DUS4L: variants seen among roughly 807,000 people sequenced by gnomAD.
DUS4L encodes the protein tRNA-dihydrouridine(20a/20b) synthase [NAD(P)+]-like.
Under a neutral mutation model 33.8 loss-of-function variants are expected in DUS4L, and 31 were observed. The observed-to-expected ratio is 0.92, with a 90% CI of 0.69 to 1.24. The LOEUF is 1.24. Ranked by LOEUF, DUS4L falls within the 50% of genes most tolerant of loss-of-function variation. DUS4L has a pLI of 0.00. For missense variants in DUS4L, 368 were observed against 388.6 expected, an observed-to-expected ratio of 0.95 and a Z score of 0.45; for synonymous variants, 103 against 120.3, an observed-to-expected ratio of 0.86 and a Z score of 0.94.
chr7:107,577,042 G>C (rs1052886708), intron 7 of DUS4L: 1 of 398,212 alleles, frequency 2.5e-6, no homozygotes, highest in Non-Finnish European at 4.4e-6. Flanking sequence ...TGACAATCCA[G>C]ATTTACCCTA....
At chr7:107,570,890 C>T (rs1805159456) in intron 3 of DUS4L, 2 of 360,554 alleles carry the variant, frequency 5.5e-6, no homozygotes, top group South Asian at 3.0e-5. Flanking sequence ...CCAGAGAACT[C>T]ACCACCCTGT....
At position 107,564,126 on chromosome 7, in the gene DUS4L, G is replaced by T; in HGVS notation, c.-194G>T. On this transcript the variant is annotated 5_prime_UTR_variant, in exon 1 of 8. Transcript: ENST00000265720. ...CCAGCGCACCGAGGGAGCCAAGGCC[G>T]TCGGGCCGGCGCTTTCAGCTGTCTC... is the stretch of plus-strand genomic sequence containing the variant. 1.0e-6 allele frequency: 1 copy of T among 960,830 alleles called. No individual in the cohort carries two copies. The highest frequency in any genetic ancestry group is 1.5e-6 in the Non-Finnish European group (1 of 648,408). The allele number at this position is 960,830 out of a possible 1,614,324, so 59.5% of individuals were successfully genotyped here. A position where few individuals can be genotyped will look rare whatever the true frequency, so the allele number is the denominator to read the frequency against.
chr7:107,577,258 C>G, intron 7 of DUS4L, 55 bp from the exon 8 acceptor site: 1 of 1,594,690 alleles, frequency 6.3e-7, no homozygotes, highest in Non-Finnish European at 8.6e-7. Flanking sequence ...TGAGCTTGAA[C>G]TAATAACCAG....
In DUS4L at chr7:107,576,418, A is replaced by G. The variant is rs6956789; in HGVS notation, c.532A>G (p.Thr178Ala). The change falls in exon 7 of 8, where the codon ACA (threonine) becomes GCA (alanine). Residue 178 changes from threonine (T) to alanine (A), a missense_variant. Transcript: ENST00000265720. ...TVDLCQKAEA[T>A]GVSWITVHGR... ...AGATCTTTGTCAAAAGGCTGAAGCA[A>G]CAGGAGTTTCATGGATTACAGTCCA... The G allele has an allele frequency of 1.8e-4, 289 of 1,611,906 alleles. 2 individuals carry two copies. The African/African-American group carries it at 3.6e-3, about 20-fold the overall frequency.
intron 4 of DUS4L, among the ~76,000 whole-genome samples, chr7:107,572,295 A>G (rs1805319815): frequency 6.6e-6 from 1 of 152,172 alleles, no homozygotes; most frequent in Non-Finnish European, 1.5e-5. Flanking sequence ...AGCACCTTAC[A>G]TCTCCATAAA....
chr7:107,573,894 T>A, intron 5 of DUS4L, 73 bp downstream of exon 5: 1 of 1,399,130 alleles, frequency 7.1e-7, no homozygotes, highest in South Asian at 1.9e-5. Flanking sequence ...GTAAAATATC[T>A]TTCTAGTTTT....
rs557324145 is a variant in DUS4L at position 107,578,301 on chromosome 7, C to T, written c.*741C>T. Reference sequence around the variant, plus strand: ...CCTAATTACTTTTGTGCCTCTCAGCCGTTGATTGTAACTTTAAAGTCCCAT... The same window carrying T: ...CCTAATTACTTTTGTGCCTCTCAGCTGTTGATTGTAACTTTAAAGTCCCAT... On this transcript the variant is annotated 3_prime_UTR_variant, in exon 8 of 8. Transcript: ENST00000265720. 4.6e-5 allele frequency: 7 copies of T among 151,776 alleles called. No homozygotes were observed. The South Asian group carries it at 6.3e-4, about 14-fold the overall frequency. 9.4% of individuals were successfully genotyped at this position (151,776 alleles called of 1,614,324 possible). A position where few individuals can be genotyped will look rare whatever the true frequency, so the allele number is the denominator to read the frequency against.
chr7:107,572,077 T>C (rs1003604153), intron 4 of DUS4L, among the ~76,000 whole-genome samples: 1 of 152,090 alleles, frequency 6.6e-6, no homozygotes, highest in Admixed American at 6.5e-5. Flanking sequence ...CAGGCTCTTA[T>C]GTTGCACTTA....
intron 1 of DUS4L, 105 bp downstream of exon 1, chr7:107,564,314 G>A (rs969374957): frequency 4.8e-6 from 2 of 414,922 alleles, no homozygotes; most frequent in African/African-American, 4.2e-5. Flanking sequence ...GAGGTTTCAG[G>A]GAGCTTCGTT....
intron 5 of DUS4L, 179 bp downstream of exon 5, chr7:107,574,000 G>A: frequency 1.1e-6 from 1 of 943,864 alleles, no homozygotes; most frequent in South Asian, 3.5e-5. Flanking sequence ...TAAATTCAAA[G>A]GTCTTTTCTG....
intron 4 of DUS4L, 149 bp from the exon 5 acceptor site, chr7:107,573,555 A>T (rs1805454787): frequency 1.5e-6 from 1 of 665,080 alleles, no homozygotes; most frequent in Non-Finnish European, 2.3e-6. Flanking sequence ...AATATTTTAA[A>T]TTGTTTAATG....
Position 107,577,755 on chromosome 7 carries a change from A to G in DUS4L, c.*195A>G, listed in dbSNP as rs1482677434. 2 of 518,548 alleles carry G rather than the reference A, an allele frequency of 3.9e-6. No individual in the cohort carries two copies. The highest frequency in any genetic ancestry group is 6.7e-6 in the Non-Finnish European group (2 of 300,684). 32.1% of individuals were successfully genotyped at this position (518,548 alleles called of 1,614,324 possible). A position where few individuals can be genotyped will look rare whatever the true frequency, so the allele number is the denominator to read the frequency against. Reference sequence around the variant, plus strand: ...GTAGATCTGGAGTAGACCCAGAAATACACAGTTTAAAGAAAACTCCCAGTG... The same window carrying G: ...GTAGATCTGGAGTAGACCCAGAAATGCACAGTTTAAAGAAAACTCCCAGTG... On this transcript the variant is annotated 3_prime_UTR_variant, in exon 8 of 8. Coordinates refer to ENST00000265720, the MANE Select transcript of DUS4L (RefSeq NM_181581.3).
At chr7:107,564,351 C>T (rs1249035467) in intron 1 of DUS4L, 142 bp downstream of exon 1, 3 of 333,830 alleles carry the variant, frequency 9.0e-6, no homozygotes, top group African/African-American at 4.4e-5. Flanking sequence ...AAGAGTCACG[C>T]GTTAGTTGCT....
chr7:107,571,700 G>A (rs760635791), intron 4 of DUS4L, among the ~76,000 whole-genome samples: 1 of 152,184 alleles, frequency 6.6e-6, no homozygotes, highest in Non-Finnish European at 1.5e-5. Flanking sequence ...CCACATATGT[G>A]GTCCAGCAAT....
Position 107,573,703 on chromosome 7 carries a change from G to A in DUS4L, c.239-1G>A. On this transcript the variant is annotated splice_acceptor_variant, in intron 4 of 7. Coordinates refer to ENST00000265720, the MANE Select transcript of DUS4L (RefSeq NM_181581.3). LOFTEE classifies it high-confidence loss of function. ...TAATGTTGAGCTATTCATTTTGTCA[G>A]GTGATTGCCCATTGATTGTTCAGTT... 1 of 1,605,648 alleles carries A rather than the reference G, an allele frequency of 6.2e-7. No individual in the cohort carries two copies. The highest frequency in any genetic ancestry group is 8.5e-7 in the Non-Finnish European group (1 of 1,176,926).
intron 3 of DUS4L, 62 bp downstream of exon 3, chr7:107,567,248 T>C: frequency 6.8e-7 from 1 of 1,463,742 alleles, no homozygotes; most frequent in South Asian, 1.2e-5. Context: ...TCTGACTTTT[T>C]AAAAGTACTG....
At chr7:107,571,007 C>A in intron 3 of DUS4L, 138 bp from the exon 4 acceptor site, 6 of 1,130,654 alleles carry the variant, frequency 5.3e-6, no homozygotes, top group Non-Finnish European at 7.4e-6. Context: ...TTTAGTAATA[C>A]TTAACAGGAA....
Position 107,571,260 on chromosome 7 carries a change from A to C in DUS4L, c.232A>C (p.Asn78His). The change falls in exon 4 of 8, where the codon AAT becomes CAT. Residue 78 changes from asparagine (N) to histidine (H), a missense_variant. Transcript: ENST00000265720. Reference protein sequence around the residue: ...IKARDSEFTTNQGDCPLIVQF... With the variant: ...IKARDSEFTTHQGDCPLIVQF... ...AGCCAGAGACAGCGAATTTACCACA[A>C]ATCAAGGTATGTGAAACCGAGTGTA... 1 of 1,608,750 alleles carries C rather than the reference A, an allele frequency of 6.2e-7. No homozygotes were observed. Among genetic ancestry groups the C allele is most frequent in the Non-Finnish European group, 8.5e-7 (1 of 1,178,690 alleles).
At chr7:107,575,502 C>A (rs1395040673) in intron 6 of DUS4L, 192 bp downstream of exon 6, 1 of 492,580 alleles carries the variant, frequency 2.0e-6, no homozygotes, top group Non-Finnish European at 3.2e-6. Context: ...TGAAAAACTT[C>A]CTCTTTGTAC....
Sources: allele counts gnomAD v4.1 joint callset (sites outside exome capture counted in the v4.1 genomes callset), GRCh38; gene constraint gnomAD v4.1.1; transcripts MANE v1.5; gene names NCBI Gene and HGNC (gene_info 2026-07-23, HGNC 2026-07-21).